TPPP: variants seen among roughly 807,000 people sequenced by gnomAD.
The protein encoded by TPPP is tubulin polymerization-promoting protein.
A neutral mutation model predicts 15.5 loss-of-function variants in TPPP; 6 were observed. The ratio of observed to expected loss-of-function variants is 0.39; its 90% CI spans 0.21 to 0.77. The LOEUF is 0.77. Among genes scored for constraint, TPPP ranks in the 30% least tolerant of loss-of-function variants. TPPP has a pLI of 0.42. For synonymous variants in TPPP, 146 were observed against 133.9 expected, an observed-to-expected ratio of 1.09 and a Z score of -0.63; for missense variants, 269 against 307.2, an observed-to-expected ratio of 0.88 and a Z score of 0.93.
chr5:664,791 C>T lies in TPPP; in HGVS notation c.*311G>A, dbSNP rs900453727. The T allele has an allele frequency of 3.8e-5, 12 of 313,904 alleles. No homozygotes were observed. Among genetic ancestry groups the T allele is most frequent in the Non-Finnish European group, 5.4e-5 (9 of 168,192 alleles). 19.4% of individuals were successfully genotyped at this position (313,904 alleles called of 1,614,324 possible). On this transcript the variant is annotated 3_prime_UTR_variant, in exon 4 of 4. Transcript: ENST00000360578. ...GCCATGACAGCCAGCTGCTTTAAAA[C>T]GCCCCTTTGACCTGCAAACCACGTG... is the stretch of plus-strand genomic sequence containing the variant.
rs372912779 is a variant in TPPP, at chr5:677,665, C to T, written c.311+85G>A. Reference sequence around the variant, plus strand: ...ACAACCCCCTCCACTCCCCATGGCCCGCTCCCCACAGAACCCACCCAGGGG... The same window carrying T: ...ACAACCCCCTCCACTCCCCATGGCCTGCTCCCCACAGAACCCACCCAGGGG... On this transcript the variant is annotated intron_variant, in intron 2 of 3. Transcript: ENST00000360578. 115 of 1,324,856 alleles carry T rather than the reference C, an allele frequency of 8.7e-5. 1 individual carries two copies. The African/African-American group carries it at 1.2e-3, about 13-fold the overall frequency. The allele number at this position is 1,324,856 out of a possible 1,614,324, so 82.1% of individuals were successfully genotyped here.
At chr5:676,898 CGCACGCGCGCATACACG>C (rs1561088347) in intron 2 of TPPP, among the ~76,000 whole-genome samples, 2,188 of 100,614 alleles carry the variant, frequency 0.022, 56 homozygotes, top group African/African-American at 0.2. Context: ...CGCAGAAACG[CGCACGCGCGCATACACG>C]ACGCAGAAAC....
At chr5:683,298 C>G (rs61449846) in intron 1 of TPPP, among the ~76,000 whole-genome samples, 34,196 of 151,914 alleles carry the variant, frequency 0.23, 8,357 homozygotes, top group African/African-American at 0.62. Flanking sequence ...GAAAGACACT[C>G]TGATGGCAGC....
chr5:675,398 GT>G (rs1315973483), intron 2 of TPPP, among the ~76,000 whole-genome samples: 6 of 136,292 alleles, frequency 4.4e-5, no homozygotes, highest in African/African-American at 1.4e-4. Flanking sequence ...AGGGTGCAGT[GT>G]GGCCAGGGGT....
rs745553507 is a variant in TPPP, at chr5:665,193, GCCTTGC to G, written c.563_568del (p.Gly188_Lys189del). 9.3e-6 allele frequency: 15 copies of G among 1,613,684 alleles called. No individual in the cohort carries two copies. The highest frequency in any genetic ancestry group is 1.2e-5 in the Non-Finnish European group (14 of 1,179,968). On this transcript the variant is annotated inframe_deletion, in exon 4 of 4. Coordinates refer to ENST00000360578, the MANE Select transcript of TPPP (RefSeq NM_007030.3). ...CTCGTCCACCAGATCCACGCGGCCAGCCTTGCCCTTGCCCTTGCCAGAGGGGTCGAA... is the reference window on the plus strand; with the variant it reads ...CTCGTCCACCAGATCCACGCGGCCAGCCTTGCCCTTGCCAGAGGGGTCGAA...
the TPPP span, among the ~76,000 whole-genome samples, chr5:699,483 G>A: frequency 3.3e-5 from 5 of 152,072 alleles, no homozygotes; most frequent in African/African-American, 4.8e-5. Context: ...AGGGATTGAA[G>A]ACCTAAACAT....
chr5:678,692 C>T (rs928003211), intron 1 of TPPP, among the ~76,000 whole-genome samples: 9 of 149,986 alleles, frequency 6.0e-5, no homozygotes, highest in African/African-American at 1.8e-4. Flanking sequence ...GGCCTGGCCC[C>T]GGCCAGGGGA....
intron 2 of TPPP, 37 bp downstream of exon 2, chr5:677,713 A>T: frequency 6.6e-7 from 1 of 1,513,098 alleles, no homozygotes; most frequent in Non-Finnish European, 8.8e-7. Flanking sequence ...GACCCCCGTA[A>T]GTCAGGTCCC....
Position 664,925 on chromosome 5 carries a change from TG to T in TPPP, c.*176del, listed in dbSNP as rs571884966. ...CAAACCTGGTTTGAGAGGGGAGTGC[TG>T]GGGGCATCCGGTAGGAGGAGGGGCA... On this transcript the variant is annotated 3_prime_UTR_variant, in exon 4 of 4. Transcript: ENST00000360578. 114 of 677,640 alleles carry T rather than the reference TG, an allele frequency of 1.7e-4. No individual in the cohort carries two copies. The highest frequency in any genetic ancestry group is 1.6e-3 in the African/African-American group (88 of 55,328). The allele number at this position is 677,640 out of a possible 1,614,324, so 42.0% of individuals were successfully genotyped here. A position where few individuals can be genotyped will look rare whatever the true frequency, so the allele number is the denominator to read the frequency against.
At chr5:675,462 A>ATGTGG (rs1740392109) in intron 2 of TPPP, among the ~76,000 whole-genome samples, 1 of 35,522 alleles carries the variant, frequency 2.8e-5, no homozygotes. Flanking sequence ...GGGGTGCAGC[A>ATGTGG]CAGGGGGTGC....
chr5:681,393 G>T (rs1175496438), intron 1 of TPPP, among the ~76,000 whole-genome samples: 2 of 152,118 alleles, frequency 1.3e-5, no homozygotes, highest in Non-Finnish European at 2.9e-5. Context: ...GGGTCACCCT[G>T]CACTCCCAGG....
chr5:684,937 A>G (rs1009979998), intron 1 of TPPP, among the ~76,000 whole-genome samples: 5 of 152,146 alleles, frequency 3.3e-5, no homozygotes, highest in African/African-American at 1.2e-4. Flanking sequence ...CCAGCCCAGC[A>G]TCCCCACGGC....
At chr5:680,700 C>T (rs1740598176) in intron 1 of TPPP, among the ~76,000 whole-genome samples, 1 of 151,574 alleles carries the variant, frequency 6.6e-6, no homozygotes, top group South Asian at 2.1e-4. Context: ...GCTTCCAAAG[C>T]CCGCCTCTGC....
intron 2 of TPPP, among the ~76,000 whole-genome samples, chr5:674,420 G>A (rs1740334358): frequency 6.6e-6 from 1 of 150,798 alleles, no homozygotes; most frequent in African/African-American, 2.5e-5. Context: ...TCTGGACCTG[G>A]CGGCCACACT....
Position 663,308 on chromosome 5 carries a change from G to A in TPPP, c.*1794C>T, listed in dbSNP as rs1280200896. 1 of 152,430 alleles carries A rather than the reference G, an allele frequency of 6.6e-6. No homozygotes were observed. Among genetic ancestry groups the A allele is most frequent in the Non-Finnish European group, 1.5e-5 (1 of 68,074 alleles). The allele number at this position is 152,430 out of a possible 1,614,324, so 9.4% of individuals were successfully genotyped here. On this transcript the variant is annotated 3_prime_UTR_variant, in exon 4 of 4. Coordinates refer to ENST00000360578, the MANE Select transcript of TPPP (RefSeq NM_007030.3). ...ACGCGGTCCAGCCAGGTTCAGCGGG[G>A]GCACAGGGCTGGGCTTGGGCACCCC...
At position 660,207 on chromosome 5, in the gene TPPP, A is replaced by G. The variant is rs1283415341; in HGVS notation, c.*4895T>C. 2 of 44,696 alleles carry G rather than the reference A, an allele frequency of 4.5e-5. No individual in the cohort carries two copies. Among genetic ancestry groups the G allele is most frequent in the Admixed American group, 5.5e-4 (2 of 3,610 alleles). 2.8% of individuals were successfully genotyped at this position (44,696 alleles called of 1,614,324 possible). The stretch of plus-strand genomic sequence containing the variant: ...CACAGTGTAAAAATATATTGCACAT[A>G]TATATATATATATATATATATAAAT... On this transcript the variant is annotated 3_prime_UTR_variant, in exon 4 of 4. Coordinates refer to ENST00000360578, the MANE Select transcript of TPPP (RefSeq NM_007030.3).
chr5:670,165 A>C (rs1283967903), intron 2 of TPPP, among the ~76,000 whole-genome samples: 1 of 152,150 alleles, frequency 6.6e-6, no homozygotes, highest in Admixed American at 6.5e-5. Context: ...AGGCCAGGAC[A>C]GCCCTCCGAG....
chr5:671,181 G>A (rs1282243883), intron 2 of TPPP, among the ~76,000 whole-genome samples: 1 of 152,112 alleles, frequency 6.6e-6, no homozygotes, highest in Non-Finnish European at 1.5e-5. Flanking sequence ...GTCTCCCTCT[G>A]GGCGCACACC....
chr5:684,737 G>A (rs1011414451), intron 1 of TPPP, among the ~76,000 whole-genome samples: 5 of 130,544 alleles, frequency 3.8e-5, no homozygotes, highest in East Asian at 2.9e-4. Context: ...CCATTTGAGC[G>A]CAGACGGTTC....
Sources: allele counts gnomAD v4.1 joint callset (sites outside exome capture counted in the v4.1 genomes callset), GRCh38; gene constraint gnomAD v4.1.1; transcripts MANE v1.5; gene names NCBI Gene and HGNC (gene_info 2026-07-23, HGNC 2026-07-21).